The following DRC1 variants were observed in gnomAD, a reference collection of about 807,000 sequenced individuals.
DRC1 encodes the protein dynein regulatory complex subunit 1.
A neutral mutation model predicts 98.7 loss-of-function variants in DRC1; 74 were observed. That is an observed-to-expected ratio of 0.75 (90% CI 0.62 to 0.91). DRC1 has a LOEUF of 0.91. DRC1 is among the 40% of genes least tolerant of loss of function. The pLI, the probability that DRC1 is intolerant of heterozygous loss-of-function variation, is 0.00. For synonymous variants in DRC1, 336 were observed against 334.1 expected (o/e 1.01, Z -0.06); for missense variants, 875 against 886.0 (o/e 0.99, Z 0.16).
intron 1 of DRC1, among the ~76,000 whole-genome samples, chr2:26,410,245 A>ATATTATTATTATTAT (rs10573963): frequency 7.0e-6 from 1 of 142,996 alleles, no homozygotes; most frequent in Non-Finnish European, 1.5e-5. Context: ...TATAGAGAAA[A>ATATTATTATTATTAT]TATTATTATT....
At chr2:26,446,961 G>GGCACA (rs1365863065) in intron 10 of DRC1, among the ~76,000 whole-genome samples, 6 of 152,160 alleles carry the variant, frequency 3.9e-5, no homozygotes. Flanking sequence ...GTCATGGCGT[G>GGCACA]CGCCTGTAAT....
chr2:26,432,092 G>A, intron 7 of DRC1, 86 bp downstream of exon 7: 1 of 1,508,396 alleles, frequency 6.6e-7, no homozygotes, highest in Non-Finnish European at 8.9e-7. Context: ...GCAACTACCT[G>A]TGATATTCTA....
chr2:26,452,824 G>A (rs1260381292), intron 13 of DRC1, among the ~76,000 whole-genome samples: 3 of 152,126 alleles, frequency 2.0e-5, no homozygotes, highest in African/African-American at 4.8e-5. Context: ...ATGTCAAAAC[G>A]AGAAGGAGGA....
chr2:26,429,816 G>A, intron 5 of DRC1, 51 bp downstream of exon 5: 1 of 1,601,848 alleles, frequency 6.2e-7, no homozygotes, highest in Non-Finnish European at 8.5e-7. Flanking sequence ...GCCCCTGGGA[G>A]GAGGTCTAGG....
chr2:26,434,317 G>A (rs1663512674), intron 7 of DRC1, among the ~76,000 whole-genome samples: 1 of 152,118 alleles, frequency 6.6e-6, no homozygotes, highest in African/African-American at 2.4e-5. Context: ...GTGTACTTAG[G>A]GGGAAACTCC....
intron 14 of DRC1, 101 bp downstream of exon 14, chr2:26,453,650 G>C: frequency 4.1e-6 from 5 of 1,211,708 alleles, no homozygotes; most frequent in Non-Finnish European, 5.8e-6. Flanking sequence ...AGTCTGCTGG[G>C]CAAGATGCGG....
chr2:26,418,703 TTTAATTTATATAATATATAA>T (rs1472436885), intron 2 of DRC1, among the ~76,000 whole-genome samples: 11 of 92,268 alleles, frequency 1.2e-4, no homozygotes, highest in Non-Finnish European at 2.0e-4. Flanking sequence ...ATAAATTATA[TTTAATTTATATAATATATAA>T]ATTATATTTA....
At position 26,449,331 on chromosome 2, in the gene DRC1, C is replaced by T. The variant is rs114655426; in HGVS notation, c.1509+528C>T. Among the ~76,000 whole-genome samples, 420 of 152,330 alleles carry T rather than the reference C, an allele frequency of 2.8e-3. 2 individuals carry two copies. Among genetic ancestry groups the T allele is most frequent in the Non-Finnish European group, 4.2e-3 (286 of 68,014 alleles). On this transcript the variant is annotated intron_variant, in intron 11 of 16. Coordinates refer to ENST00000288710, the MANE Select transcript of DRC1 (RefSeq NM_145038.5). ...ATGGGCAGTGTTTGTTTGGATCTTA[C>T]GGTTCTGAAGTGGGTATTCTTTTAG... is the stretch of plus-strand genomic sequence containing the variant.
At chr2:26,442,734 G>A (rs1039803335) in intron 8 of DRC1, among the ~76,000 whole-genome samples, 1 of 152,164 alleles carries the variant, frequency 6.6e-6, no homozygotes, top group African/African-American at 2.4e-5. Flanking sequence ...CACAGTTTCT[G>A]AAACCAGACT....
At chr2:26,430,125 G>A (rs559852152) in intron 5 of DRC1, among the ~76,000 whole-genome samples, 4 of 152,242 alleles carry the variant, frequency 2.6e-5, no homozygotes, top group African/African-American at 9.6e-5. Flanking sequence ...GCAAGAGGTT[G>A]GGGAATAAAA....
chr2:26,436,960 C>G (rs1054501340), intron 7 of DRC1, among the ~76,000 whole-genome samples: 1 of 152,172 alleles, frequency 6.6e-6, no homozygotes, highest in Non-Finnish European at 1.5e-5. Context: ...AGTGCTCATA[C>G]GTTCTCAGAT....
At chr2:26,416,577 G>A (rs1336487698) in intron 2 of DRC1, among the ~76,000 whole-genome samples, 2 of 152,034 alleles carry the variant, frequency 1.3e-5, no homozygotes, top group South Asian at 2.1e-4. Flanking sequence ...TGACCTATCT[G>A]GAATTGATTT....
intron 10 of DRC1, among the ~76,000 whole-genome samples, chr2:26,447,951 G>A (rs1305409474): frequency 2.6e-5 from 4 of 151,474 alleles, no homozygotes; most frequent in Non-Finnish European, 4.4e-5. Context: ...TGGACCAGGC[G>A]CCGTGGCTCA....
chr2:26,425,944 C>T (rs1186101033), intron 4 of DRC1, among the ~76,000 whole-genome samples: 1 of 152,010 alleles, frequency 6.6e-6, no homozygotes, highest in Middle Eastern at 3.4e-3. Flanking sequence ...GATTTTGCTG[C>T]CTGGGATTTT....
Position 26,439,948 on chromosome 2 carries a change from T to C in DRC1, c.889-430T>C, listed in dbSNP as rs58970356. ...ATATATATATATATACACACACACA[T>C]ACACACACACACACATATATATATA... On this transcript the variant is annotated intron_variant, in intron 7 of 16. Transcript: ENST00000288710. 7.3e-3 allele frequency among the ~76,000 whole-genome samples: 909 copies of C among 124,546 alleles called. 8 individuals carry two copies. Among genetic ancestry groups the C allele is most frequent in the African/African-American group, 0.025 (823 of 33,362 alleles). 81.7% of individuals were successfully genotyped at this position (124,546 alleles called of 152,430 possible). A position where few individuals can be genotyped will look rare whatever the true frequency, so the allele number is the denominator to read the frequency against.
chr2:26,415,514 G>A (rs1474631293), intron 2 of DRC1, among the ~76,000 whole-genome samples: 1 of 152,176 alleles, frequency 6.6e-6, no homozygotes, highest in Non-Finnish European at 1.5e-5. Flanking sequence ...CACTGTGTTA[G>A]GGATAAGATA....
intron 10 of DRC1, chr2:26,448,208 G>A (rs1327685290): frequency 1.4e-5 from 5 of 352,812 alleles, no homozygotes; most frequent in Non-Finnish European, 2.7e-5. Flanking sequence ...CTGGGTGACA[G>A]AGCAAGACTC....
At position 26,414,441 on chromosome 2, in the gene DRC1, G is replaced by A. The variant is rs1342111382; in HGVS notation, c.243+10G>A. The A allele has an allele frequency of 6.2e-7, 1 of 1,612,704 alleles. No individual in the cohort carries two copies. The highest frequency in any genetic ancestry group is 8.5e-7 in the Non-Finnish European group (1 of 1,179,282). ...AGAAGAAAGCCGATTGGTATGAACTGGTTGGCAGATGGGCTCTGGAAGACC... is the reference window on the plus strand; with the variant it reads ...AGAAGAAAGCCGATTGGTATGAACTAGTTGGCAGATGGGCTCTGGAAGACC... On this transcript the variant is annotated intron_variant, in intron 2 of 16. Coordinates refer to ENST00000288710, the MANE Select transcript of DRC1 (RefSeq NM_145038.5).
At chr2:26,447,842 C>T (rs1480883099) in intron 10 of DRC1, among the ~76,000 whole-genome samples, 3 of 151,306 alleles carry the variant, frequency 2.0e-5, no homozygotes, top group African/African-American at 7.3e-5. Context: ...GCTGGGATTA[C>T]AGGCATGAGC....
Sources: allele counts gnomAD v4.1 joint callset (sites outside exome capture counted in the v4.1 genomes callset), GRCh38; gene constraint gnomAD v4.1.1; transcripts MANE v1.5; gene names NCBI Gene and HGNC (gene_info 2026-07-23, HGNC 2026-07-21).